CBFB: variants seen among roughly 807,000 people sequenced by gnomAD.
The protein encoded by CBFB is core-binding factor subunit beta.
A neutral mutation model predicts 30.4 loss-of-function variants in CBFB; 9 were observed. The ratio of observed to expected loss-of-function variants is 0.30; its 90% confidence interval spans 0.18 to 0.52. The LOEUF is 0.52. CBFB is among the 20% of genes least tolerant of loss of function. The probability of loss-of-function intolerance (pLI) is 0.97; values close to 1 mark genes in which losing one functional copy is unlikely to be tolerated. For missense variants in CBFB, 170 were observed against 244.0 expected, an observed-to-expected ratio of 0.70 and a Z score of 2.02; for synonymous variants, 94 against 84.0, an observed-to-expected ratio of 1.12 and a Z score of -0.65.
At chr16:67,097,435 C>T (rs1018896677) in intron 5 of CBFB, among the ~76,000 whole-genome samples, 3 of 151,476 alleles carry the variant, frequency 2.0e-5, no homozygotes, top group African/African-American at 7.3e-5. Context: ...ATCCCAGCTA[C>T]TGAGGAGGTT....
intron 3 of CBFB, among the ~76,000 whole-genome samples, chr16:67,056,080 C>A (rs1174002861): frequency 6.6e-6 from 1 of 152,156 alleles, no homozygotes; most frequent in Non-Finnish European, 1.5e-5. Context: ...CAGCATGTCT[C>A]CTTTGGAAAG....
intron 5 of CBFB, among the ~76,000 whole-genome samples, chr16:67,097,134 T>C (rs1962072147): frequency 6.6e-6 from 1 of 151,610 alleles, no homozygotes; most frequent in Admixed American, 6.6e-5. Context: ...ACTCGAGGCT[T>C]AGGTGGGAGA....
At chr16:67,096,310 C>CAAA (rs538264777) in intron 5 of CBFB, among the ~76,000 whole-genome samples, 21 of 138,984 alleles carry the variant, frequency 1.5e-4, no homozygotes, top group African/African-American at 5.0e-4. Context: ...GACTCTGTCT[C>CAAA]AAAAAAAAAA....
At chr16:67,061,775 T>C (rs762677095) in intron 3 of CBFB, among the ~76,000 whole-genome samples, 3 of 152,202 alleles carry the variant, frequency 2.0e-5, no homozygotes, top group East Asian at 1.9e-4. Flanking sequence ...CTCACACTTG[T>C]AATCCCAGCA....
chr16:67,069,554 A>G (rs1238704985), intron 4 of CBFB, among the ~76,000 whole-genome samples: 1 of 152,182 alleles, frequency 6.6e-6, no homozygotes, highest in Non-Finnish European at 1.5e-5. Context: ...AAAGAGGTTG[A>G]AGATACATTT....
At chr16:67,095,087 C>T (rs1322172853) in intron 5 of CBFB, among the ~76,000 whole-genome samples, 7 of 151,214 alleles carry the variant, frequency 4.6e-5, no homozygotes, top group African/African-American at 7.3e-5. Context: ...GGCATGGAAG[C>T]GCATGCCGGC....
At chr16:67,082,554 G>T (rs1312664050) in intron 5 of CBFB, among the ~76,000 whole-genome samples, 2 of 151,772 alleles carry the variant, frequency 1.3e-5, no homozygotes, top group African/African-American at 4.8e-5. Context: ...CTATAATAAG[G>T]TATATTTTCT....
chr16:67,051,312 A>G (rs1054984602), intron 3 of CBFB, among the ~76,000 whole-genome samples: 1 of 152,202 alleles, frequency 6.6e-6, no homozygotes, highest in African/African-American at 2.4e-5. Context: ...GCTAGTGTGA[A>G]TTCACATGTG....
intron 3 of CBFB, among the ~76,000 whole-genome samples, chr16:67,042,210 C>T (rs1966544054): frequency 6.6e-6 from 1 of 152,148 alleles, no homozygotes; most frequent in African/African-American, 2.4e-5. Flanking sequence ...AGGCATGAGC[C>T]ACCACGCCCA....
chr16:67,044,957 G>A (rs1355557186), intron 3 of CBFB, among the ~76,000 whole-genome samples: 1 of 152,058 alleles, frequency 6.6e-6, no homozygotes, highest in African/African-American at 2.4e-5. Flanking sequence ...ATTTCAGTTC[G>A]ACTAAAATAT....
At chr16:67,037,489 A>G (rs527505548) in intron 3 of CBFB, among the ~76,000 whole-genome samples, 1 of 152,058 alleles carries the variant, frequency 6.6e-6, no homozygotes, top group East Asian at 1.9e-4. Flanking sequence ...TTTGAGAAAA[A>G]CAATGTGAAA....
At chr16:67,042,999 G>C (rs980373434) in intron 3 of CBFB, among the ~76,000 whole-genome samples, 3 of 152,142 alleles carry the variant, frequency 2.0e-5, no homozygotes, top group Non-Finnish European at 4.4e-5. Flanking sequence ...GCCTCCCAAA[G>C]TGCTGGGATT....
chr16:67,030,369 C>A (rs1405954629), intron 2 of CBFB, among the ~76,000 whole-genome samples: 1 of 151,944 alleles, frequency 6.6e-6, no homozygotes, highest in Admixed American at 6.6e-5. Context: ...AGAAAGAAAC[C>A]ATTATCCCCA....
intron 3 of CBFB, among the ~76,000 whole-genome samples, chr16:67,048,808 CTT>C (rs1294121246): frequency 2.3e-5 from 3 of 131,696 alleles, no homozygotes; most frequent in African/African-American, 8.5e-5. Flanking sequence ...CGTGTCTAGC[CTT>C]TTTTTTTTTT....
intron 3 of CBFB, among the ~76,000 whole-genome samples, chr16:67,040,591 C>T (rs976692321): frequency 6.6e-6 from 1 of 152,166 alleles, no homozygotes; most frequent in Non-Finnish European, 1.5e-5. Context: ...AAAATTTATT[C>T]ATTCAGAAGG....
intron 3 of CBFB, among the ~76,000 whole-genome samples, chr16:67,065,191 G>A (rs1961019315): frequency 1.3e-5 from 2 of 152,096 alleles, no homozygotes; most frequent in African/African-American, 4.8e-5. Flanking sequence ...CAGCCACCGC[G>A]CCTAGCCAGG....
At chr16:67,037,412 T>TA in intron 3 of CBFB, among the ~76,000 whole-genome samples, 1 of 152,198 alleles carries the variant, frequency 6.6e-6, no homozygotes, top group Non-Finnish European at 1.5e-5. Context: ...TCTCTAGGTT[T>TA]AAAAATTAAT....
chr16:67,084,137 G>A (rs1187404411), intron 5 of CBFB, among the ~76,000 whole-genome samples: 2 of 121,546 alleles, frequency 1.6e-5, no homozygotes, highest in Non-Finnish European at 3.2e-5. Context: ...CTGTACTCCA[G>A]CCTGGATGAC....
At chr16:67,036,868 G>A (rs1966447861) in intron 3 of CBFB, 113 bp downstream of exon 3, 4 of 682,874 alleles carry the variant, frequency 5.9e-6, no homozygotes, top group Non-Finnish European at 1.0e-5. Flanking sequence ...CATATGCTCA[G>A]ATTTGTTTTC....
Sources: gnomAD v4.1 joint callset for allele counts (sites outside exome capture counted in the v4.1 genomes callset) on GRCh38, gnomAD v4.1.1 for gene constraint, MANE v1.5 for transcripts, NCBI Gene and HGNC (gene_info 2026-07-23, HGNC 2026-07-21) for gene names.